Variants in AKAP13 observed in about 807,000 individuals in gnomAD.
AKAP13 encodes A-kinase anchoring protein 13.
A neutral mutation model predicts 264.5 loss-of-function variants in AKAP13; 80 were observed. The ratio of observed to expected loss-of-function variants is 0.30; its 90% CI spans 0.25 to 0.36. The LOEUF is 0.36. Among genes scored for constraint, AKAP13 ranks in the 10% least tolerant of loss-of-function variants. The pLI is 1.00. For synonymous variants in AKAP13, 1,380 were observed against 1,250.2 expected (o/e 1.10, Z -2.19); for missense variants, 3,712 against 3,435.2 (o/e 1.08, Z -2.01).
intron 1 of AKAP13, among the ~76,000 whole-genome samples, chr15:85,466,494 A>G (rs2074745958): frequency 6.6e-6 from 1 of 152,204 alleles, no homozygotes; most frequent in South Asian, 2.1e-4. Flanking sequence ...TAGGTCTAAC[A>G]TGTAAGTCTT....
At chr15:85,670,657 T>G (rs2151567024) in intron 14 of AKAP13, 1 of 152,102 alleles carries the variant, frequency 6.6e-6, no homozygotes, top group East Asian at 1.9e-4. Context: ...TTGATCTCTG[T>G]CTTCCATAAA....
chr15:85,450,948 G>A (rs2074065063), intron 1 of AKAP13, among the ~76,000 whole-genome samples: 1 of 152,176 alleles, frequency 6.6e-6, no homozygotes, highest in Admixed American at 6.5e-5. Flanking sequence ...TACTGTCAGT[G>A]GAGTGTTGAA....
chr15:85,412,600 A>T (rs1254088611), intron 1 of AKAP13, among the ~76,000 whole-genome samples: 1 of 152,216 alleles, frequency 6.6e-6, no homozygotes, highest in Non-Finnish European at 1.5e-5. Context: ...TAATACAATA[A>T]AGTACCAATA....
intron 12 of AKAP13, among the ~76,000 whole-genome samples, chr15:85,660,028 C>G (rs1221053797): frequency 6.6e-6 from 1 of 152,278 alleles, no homozygotes; most frequent in East Asian, 1.9e-4. Context: ...TGTAGACCAT[C>G]TGCAGCTTCC....
At chr15:85,481,844 T>C (rs148359935) in intron 1 of AKAP13, among the ~76,000 whole-genome samples, 81 of 152,352 alleles carry the variant, frequency 5.3e-4, no homozygotes, top group African/African-American at 1.8e-3. Flanking sequence ...ATTTGCTCAG[T>C]CATTTCACTG....
At chr15:85,560,214 A>G (rs978000106) in intron 5 of AKAP13, among the ~76,000 whole-genome samples, 5 of 151,060 alleles carry the variant, frequency 3.3e-5, no homozygotes, top group African/African-American at 1.2e-4. Flanking sequence ...CACTCAGTCT[A>G]GAGTGCTGTG....
chr15:85,392,405 C>T (rs898057153), intron 1 of AKAP13, among the ~76,000 whole-genome samples: 1 of 151,256 alleles, frequency 6.6e-6, no homozygotes. Flanking sequence ...CAGGCGTGCA[C>T]CACCACGCCC....
chr15:85,435,191 C>T (rs1267951845), intron 1 of AKAP13, among the ~76,000 whole-genome samples: 7 of 146,898 alleles, frequency 4.8e-5, no homozygotes, highest in South Asian at 4.5e-4. Flanking sequence ...CCTCAGGAGC[C>T]GATGCGATCA....
chr15:85,382,138 G>A (rs1380771239), intron 1 of AKAP13: 1 of 152,230 alleles, frequency 6.6e-6, no homozygotes, highest in Non-Finnish European at 1.5e-5. Flanking sequence ...GATGGAACTA[G>A]CTTAAATGTC....
At chr15:85,382,455 A>G (rs1177073694) in intron 1 of AKAP13, among the ~76,000 whole-genome samples, 2 of 152,106 alleles carry the variant, frequency 1.3e-5, no homozygotes, top group Non-Finnish European at 2.9e-5. Flanking sequence ...TACTCGCTCC[A>G]TGGCTTCCCT....
intron 5 of AKAP13, among the ~76,000 whole-genome samples, chr15:85,558,516 T>C (rs1567124012): frequency 6.6e-6 from 1 of 152,152 alleles, no homozygotes; most frequent in African/African-American, 2.4e-5. Context: ...TGCCTGAAGA[T>C]GGGGGTCCTG....
intron 3 of AKAP13, among the ~76,000 whole-genome samples, chr15:85,530,984 C>G (rs901899131): frequency 2.3e-4 from 35 of 152,254 alleles, no homozygotes; most frequent in African/African-American, 7.9e-4. Flanking sequence ...AAGTGATTCT[C>G]CTGCCTCAGC....
intron 11 of AKAP13, among the ~76,000 whole-genome samples, 188 bp downstream of exon 11, chr15:85,655,975 G>A (rs1275068716): frequency 6.6e-6 from 1 of 152,104 alleles, no homozygotes; most frequent in Non-Finnish European, 1.5e-5. Flanking sequence ...ATGACCTTGG[G>A]CAAGTCACCT....
At chr15:85,473,501 A>C (rs987571537) in intron 1 of AKAP13, among the ~76,000 whole-genome samples, 1 of 152,270 alleles carries the variant, frequency 6.6e-6, no homozygotes, top group Non-Finnish European at 1.5e-5. Context: ...GATTCTCCAC[A>C]TAAGTTAAAT....
At chr15:85,677,018 T>G (rs1487213560) in intron 14 of AKAP13, 9 of 985,334 alleles carry the variant, frequency 9.1e-6, no homozygotes, top group Non-Finnish European at 1.1e-5. Context: ...TCCATCAGCA[T>G]CTCTCCGCTC....
chr15:85,588,007 A>G (rs2079430878), intron 8 of AKAP13, among the ~76,000 whole-genome samples: 1 of 147,554 alleles, frequency 6.8e-6, no homozygotes, highest in South Asian at 2.1e-4. Context: ...TTTAGATTCC[A>G]TGGTGGTCAA....
At chr15:85,642,143 G>A (rs2151480213) in intron 9 of AKAP13, among the ~76,000 whole-genome samples, 1 of 152,266 alleles carries the variant, frequency 6.6e-6, no homozygotes, top group East Asian at 1.9e-4. Context: ...GGTTAATGAA[G>A]CCTTAACTTC....
chr15:85,612,975 T>C (rs957255889), intron 8 of AKAP13, among the ~76,000 whole-genome samples: 1 of 152,236 alleles, frequency 6.6e-6, no homozygotes, highest in African/African-American at 2.4e-5. Context: ...GATTTCTACA[T>C]GTGAGAAGAA....
At position 85,664,733 on chromosome 15, in the gene AKAP13, A is replaced by C. The variant is rs1567182715; in HGVS notation, c.4970A>C (p.Glu1657Ala). Residue 1657 changes from glutamate to alanine, a missense_variant, in exon 13 of 37, where the codon GAA becomes GCA. This residue lies in a region of AKAP13 where 2,759 missense variants were observed against 2,411.7 expected (regional missense o/e 1.14). Coordinates refer to ENST00000394518, the MANE Select transcript of AKAP13 (RefSeq NM_007200.5). Reference sequence around the variant, plus strand: ...GAGGATCTGGAGTCAGACCAGAGAGAACATAGGATGTTTGATCAGCAGGTA... The same window carrying C: ...GAGGATCTGGAGTCAGACCAGAGAGCACATAGGATGTTTGATCAGCAGGTA... Reference protein sequence around the residue: ...SEEDLESDQREHRMFDQQICH... With the variant: ...SEEDLESDQRAHRMFDQQICH... 1 of 1,613,058 alleles carries C rather than the reference A, an allele frequency of 6.2e-7. No homozygotes were observed. Among genetic ancestry groups the C allele is most frequent in the Non-Finnish European group, 8.5e-7 (1 of 1,179,634 alleles).
Sources: gnomAD v4.1 joint callset for allele counts (sites outside exome capture counted in the v4.1 genomes callset) on GRCh38, gnomAD v4.1.1 for gene constraint, gnomAD v4.1.1 regional missense constraint, MANE v1.5 for transcripts, NCBI Gene and HGNC (gene_info 2026-07-23, HGNC 2026-07-21) for gene names.